Variants in PPM1H observed in about 807,000 individuals in gnomAD.
PPM1H encodes protein phosphatase, Mg2+/Mn2+ dependent 1H.
A neutral mutation model predicts 54.9 loss-of-function variants in PPM1H; 27 were observed. The ratio of observed to expected loss-of-function variants is 0.49; its 90% CI spans 0.36 to 0.68. The LOEUF (loss-of-function observed/expected upper bound fraction) is 0.68, where lower values mean the gene tolerates loss of function less well. Ranked by LOEUF, PPM1H falls within the 30% of genes least tolerant of loss-of-function variation. The probability of loss-of-function intolerance (pLI) is 0.00; values close to 1 mark genes in which losing one functional copy is unlikely to be tolerated. For synonymous variants in PPM1H, 305 were observed against 270.8 expected, an observed-to-expected ratio of 1.13 and a Z score of -1.24; for missense variants, 596 against 667.8, an observed-to-expected ratio of 0.89 and a Z score of 1.19.
At chr12:62,814,525 T>C (rs1434466746) in intron 2 of PPM1H, among the ~76,000 whole-genome samples, 2 of 152,180 alleles carry the variant, frequency 1.3e-5, no homozygotes. Flanking sequence ...GCCAAAAAAA[T>C]TGTTTTTAAC....
rs369043984 is a variant in PPM1H, at chr12:62,801,725, T to A, written c.756+91A>T. The A allele has an allele frequency of 3.4e-4, 467 of 1,391,420 alleles. 3 individuals carry two copies. The African/African-American group carries it at 4.0e-3, about 12-fold the overall frequency. The allele number at this position is 1,391,420 out of a possible 1,614,324, so 86.2% of individuals were successfully genotyped here. A position where few individuals can be genotyped will look rare whatever the true frequency, so the allele number is the denominator to read the frequency against. On this transcript the variant is annotated intron_variant, in intron 3 of 9. Coordinates refer to ENST00000228705, the MANE Select transcript of PPM1H (RefSeq NM_020700.2). ...CAGGTGGAGCCAGGCAGCAAAACCG[T>A]GCGCTTTCTGGGAGCCCTCCAGGAA...
chr12:62,878,683 T>C (rs1462939046), intron 1 of PPM1H, among the ~76,000 whole-genome samples: 2 of 141,240 alleles, frequency 1.4e-5, no homozygotes, highest in South Asian at 4.7e-4. Context: ...CTCATGCCTG[T>C]AATCCCAGCA....
intron 1 of PPM1H, among the ~76,000 whole-genome samples, chr12:62,856,301 T>TG (rs1291055811): frequency 6.6e-6 from 1 of 152,138 alleles, no homozygotes; most frequent in Admixed American, 6.6e-5. Flanking sequence ...TCTGCCTGGG[T>TG]GGGGGCCTCT....
intron 9 of PPM1H, among the ~76,000 whole-genome samples, chr12:62,664,010 T>A (rs908596044): frequency 6.8e-6 from 1 of 147,744 alleles, no homozygotes; most frequent in Non-Finnish European, 1.5e-5. Context: ...AAAAAAAAAA[T>A]TATTCTGTGT....
chr12:62,731,848 A>G (rs974253848), intron 5 of PPM1H, among the ~76,000 whole-genome samples: 3 of 152,162 alleles, frequency 2.0e-5, no homozygotes, highest in Non-Finnish European at 4.4e-5. Flanking sequence ...CCTCAGGGCT[A>G]TGGATGTCTC....
At chr12:62,686,120 T>A (rs1265177588) in intron 8 of PPM1H, among the ~76,000 whole-genome samples, 1 of 152,110 alleles carries the variant, frequency 6.6e-6, no homozygotes, top group African/African-American at 2.4e-5. Flanking sequence ...TTCAGCGAGG[T>A]GACATAAGGT....
intron 1 of PPM1H, among the ~76,000 whole-genome samples, chr12:62,899,420 A>T (rs1206739593): frequency 6.6e-6 from 1 of 152,212 alleles, no homozygotes; most frequent in East Asian, 1.9e-4. Context: ...AACACTAAAA[A>T]AAATTAAAAA....
intron 5 of PPM1H, among the ~76,000 whole-genome samples, chr12:62,722,512 T>G (rs1005480585): frequency 1.5e-4 from 23 of 152,264 alleles, no homozygotes; most frequent in African/African-American, 4.6e-4. Flanking sequence ...CTAACCATAT[T>G]TTGGGCCTTT....
At chr12:62,879,246 G>A (rs1226136142) in intron 1 of PPM1H, among the ~76,000 whole-genome samples, 1 of 152,212 alleles carries the variant, frequency 6.6e-6, no homozygotes, top group African/African-American at 2.4e-5. Flanking sequence ...CAAAATAGAT[G>A]TAAACGATAT....
rs572617255 is a variant in PPM1H, at chr12:62,742,729, T to C, written c.870-5143A>G. ...GACCTTCCTTCTGGGGCCTCAGGCC[T>C]GGACTTGTGGATACCACCATGACCA... On this transcript the variant is annotated intron_variant, in intron 4 of 9. Transcript: ENST00000228705. 3.0e-4 allele frequency among the ~76,000 whole-genome samples: 45 copies of C among 152,348 alleles called. 1 individual carries two copies. The South Asian group carries it at 8.9e-3, about 30-fold the overall frequency.
At chr12:62,712,242 G>A (rs1477112028) in intron 6 of PPM1H, among the ~76,000 whole-genome samples, 1 of 152,162 alleles carries the variant, frequency 6.6e-6, no homozygotes, top group Admixed American at 6.5e-5. Context: ...GAGGTTTGGG[G>A]TTAAAATTCT....
chr12:62,851,827 GA>G (rs1050316248), intron 1 of PPM1H, among the ~76,000 whole-genome samples: 1 of 152,086 alleles, frequency 6.6e-6, no homozygotes, highest in East Asian at 1.9e-4. Context: ...ATCTTGCTGA[GA>G]AAAAAACTAG....
chr12:62,760,647 A>G (rs1440910732), intron 4 of PPM1H, among the ~76,000 whole-genome samples: 1 of 152,182 alleles, frequency 6.6e-6, no homozygotes, highest in Non-Finnish European at 1.5e-5. Context: ...ACCTTTCCCA[A>G]ATCAGCCAGT....
chr12:62,846,740 C>A (rs1868986312), intron 1 of PPM1H, among the ~76,000 whole-genome samples: 1 of 152,134 alleles, frequency 6.6e-6, no homozygotes, highest in African/African-American at 2.4e-5. Flanking sequence ...GACAAACATC[C>A]CTTGTCCTTC....
rs1432777831 is a variant in PPM1H at position 62,844,325 on chromosome 12, G to A, written c.246-12046C>T. Among the ~76,000 whole-genome samples the A allele has an allele frequency of 6.6e-6, 1 of 152,176 alleles. No individual in the cohort carries two copies. Among genetic ancestry groups the A allele is most frequent in the Non-Finnish European group, 1.5e-5 (1 of 68,040 alleles). On this transcript the variant is annotated intron_variant, in intron 1 of 9. Coordinates refer to ENST00000228705, the MANE Select transcript of PPM1H (RefSeq NM_020700.2). The surrounding 1 kb of genome is among the most constrained non-coding windows in gnomAD (Gnocchi z 5.2). ...TTAGTATGGATTACTACATTCCAAG[G>A]AAGATTGCTTTAGCATTCCTGAGGA... is the stretch of plus-strand genomic sequence containing the variant.
chr12:62,834,055 T>C (rs1868428452), intron 1 of PPM1H, among the ~76,000 whole-genome samples: 1 of 152,230 alleles, frequency 6.6e-6, no homozygotes, highest in Admixed American at 6.5e-5. Context: ...AATTTCAACT[T>C]TAGCATATTT....
At chr12:62,705,898 G>A (rs2076170606) in intron 6 of PPM1H, among the ~76,000 whole-genome samples, 1 of 152,220 alleles carries the variant, frequency 6.6e-6, no homozygotes, top group Non-Finnish European at 1.5e-5. Flanking sequence ...ATGGTGGGGT[G>A]AAAATAGCAA....
At chr12:62,728,273 C>T (rs1169763912) in intron 5 of PPM1H, among the ~76,000 whole-genome samples, 1 of 152,068 alleles carries the variant, frequency 6.6e-6, no homozygotes, top group Non-Finnish European at 1.5e-5. Flanking sequence ...GTGATCTGAG[C>T]AGCTAAAAAA....
intron 3 of PPM1H, among the ~76,000 whole-genome samples, chr12:62,798,374 G>C (rs2076748296): frequency 6.6e-6 from 1 of 152,230 alleles, no homozygotes; most frequent in Non-Finnish European, 1.5e-5. Context: ...CCATTCATCT[G>C]TAGTATCTGC....
Sources: gnomAD v4.1 joint callset for allele counts (sites outside exome capture counted in the v4.1 genomes callset) on GRCh38, gnomAD v4.1.1 for gene constraint, Gnocchi (gnomAD v3.1) non-coding constraint, MANE v1.5 for transcripts, NCBI Gene and HGNC (gene_info 2026-07-23, HGNC 2026-07-21) for gene names.